GPAM: variants seen among roughly 807,000 people sequenced by gnomAD.
The protein encoded by GPAM is glycerol-3-phosphate acyltransferase, mitochondrial, also known as glycerol-3-phosphate acyltransferase 1, mitochondrial.
Under a neutral mutation model 105.0 loss-of-function variants are expected in GPAM, and 56 were observed. The observed-to-expected ratio is 0.53, with a 90% CI of 0.43 to 0.67. The LOEUF (loss-of-function observed/expected upper bound fraction) is 0.67, where lower values mean the gene tolerates loss of function less well. Ranked by LOEUF, GPAM falls within the 30% of genes least tolerant of loss-of-function variation. GPAM has a pLI of 0.00. For missense variants in GPAM, 855 were observed against 989.8 expected (o/e 0.86, Z 1.83); for synonymous variants, 368 against 354.4 (o/e 1.04, Z -0.43).
chr10:112,200,240 T>G lies in GPAM; in HGVS notation n.210+14928A>C, dbSNP rs547149768. 3.2e-3 allele frequency among the ~76,000 whole-genome samples: 411 copies of G among 129,392 alleles called. 5 individuals are homozygous for G. The highest frequency in any genetic ancestry group is 5.3e-3 in the East Asian group (21 of 3,976). The allele number at this position is 129,392 out of a possible 152,430, so 84.9% of individuals were successfully genotyped here. Reference sequence around the variant, plus strand: ...TCCACACTATATGTATATATATATATATATAGAGAGAGAGAGAGAGAGAGA... The same window carrying G: ...TCCACACTATATGTATATATATATAGATATAGAGAGAGAGAGAGAGAGAGA... On this transcript the variant is annotated intron_variant and non_coding_transcript_variant, in intron 1 of 3. Coordinates refer to the GPAM transcript ENST00000480130.
intron 1 of GPAM, among the ~76,000 whole-genome samples, chr10:112,197,801 T>C (rs1847743461): frequency 6.6e-6 from 1 of 152,032 alleles, no homozygotes; most frequent in African/African-American, 2.4e-5. Context: ...TCCATGTCCC[T>C]ACAAAGGACA....
chr10:112,207,019 T>G (rs1224615854), intron 1 of GPAM, among the ~76,000 whole-genome samples: 4 of 152,170 alleles, frequency 2.6e-5, no homozygotes, highest in Non-Finnish European at 5.9e-5. Context: ...AGAAGCTCAA[T>G]AAAACAGGAT....
chr10:112,207,229 CG>C (rs1847862292), intron 1 of GPAM, among the ~76,000 whole-genome samples: 1 of 152,076 alleles, frequency 6.6e-6, no homozygotes, highest in Admixed American at 6.5e-5. Context: ...CTATGATGTA[CG>C]GGACAGTCCC....
At chr10:112,189,237 C>T (rs933604098) in intron 1 of GPAM, among the ~76,000 whole-genome samples, 2 of 152,120 alleles carry the variant, frequency 1.3e-5, no homozygotes, top group African/African-American at 4.8e-5. Flanking sequence ...CTCATTATGA[C>T]CTACTTTTCT....
intron 19 of GPAM, 195 bp downstream of exon 19, chr10:112,157,054 T>G: frequency 1.6e-6 from 1 of 630,508 alleles, no homozygotes; most frequent in South Asian, 1.9e-5. Context: ...CTTTTCAGAC[T>G]CTCCTTTCCT....
At chr10:112,159,505 G>A (rs1459915528) in intron 17 of GPAM, among the ~76,000 whole-genome samples, 2 of 152,124 alleles carry the variant, frequency 1.3e-5, no homozygotes, top group Middle Eastern at 3.2e-3. Flanking sequence ...TTACAGGCGT[G>A]AGCCACCGCA....
the GPAM span, among the ~76,000 whole-genome samples, chr10:112,222,940 C>T: frequency 2.9e-4 from 44 of 152,262 alleles, no homozygotes; most frequent in African/African-American, 1.0e-3. Flanking sequence ...GGTTGACTGA[C>T]AGCCTCTCGG....
At chr10:112,157,472 C>G in intron 18 of GPAM, 83 bp from the exon 19 acceptor site, 1 of 1,258,332 alleles carries the variant, frequency 7.9e-7, no homozygotes, top group South Asian at 1.2e-5. Flanking sequence ...CAAGGCAGTC[C>G]TCTTCTCTGA....
chr10:112,180,882 T>G (rs558816557), intron 3 of GPAM, among the ~76,000 whole-genome samples: 1 of 152,174 alleles, frequency 6.6e-6, no homozygotes, highest in African/African-American at 2.4e-5. Flanking sequence ...GATAAATCAA[T>G]TCAGACTCCT....
At chr10:112,168,282 CA>C in intron 11 of GPAM, 29 bp downstream of exon 11, 1 of 1,250,920 alleles carries the variant, frequency 8.0e-7, no homozygotes, top group Non-Finnish European at 1.2e-6. Flanking sequence ...ACTTGATAAG[CA>C]AAGAAAACTT....
At chr10:112,162,639 T>C (rs1369190757) in intron 14 of GPAM, among the ~76,000 whole-genome samples, 1 of 152,132 alleles carries the variant, frequency 6.6e-6, no homozygotes, top group African/African-American at 2.4e-5. Flanking sequence ...TAAAAAAAAG[T>C]ACTCAGTACT....
upstream of GPAM, among the ~76,000 whole-genome samples, chr10:112,185,897 T>G (rs968675633): frequency 6.6e-6 from 1 of 152,114 alleles, no homozygotes; most frequent in African/African-American, 2.4e-5. Flanking sequence ...CTAGTATACA[T>G]GCAATTGTAG....
rs1461275409 is a variant in GPAM at position 112,172,220 on chromosome 10, G to A, written c.756C>T (p.Tyr252=). The stretch of plus-strand genomic sequence containing the variant: ...TGTTGAGATTATTGCCTGAAGCAAT[G>A]TATGGTGCTTTGATGTTATGGCAGA... ...ILFCHNIKAP[Y]IASGNNLNIP... Residue 252 remains tyrosine, a synonymous_variant, in exon 9 of 22, where the codon TAC becomes TAT. Transcript: ENST00000348367. 8 of 1,607,476 alleles carry A rather than the reference G, an allele frequency of 5.0e-6. No individual in the cohort carries two copies. The highest frequency in any genetic ancestry group is 3.3e-5 in the Admixed American group (2 of 59,992).
chr10:112,169,091 A>AT, intron 9 of GPAM, 139 bp from the exon 10 acceptor site: 3 of 641,534 alleles, frequency 4.7e-6, no homozygotes, highest in Non-Finnish European at 5.6e-6. Flanking sequence ...AAATGCAGGC[A>AT]TTTTTTTCAT....
chr10:112,177,131 C>T (rs1379570502), intron 5 of GPAM, among the ~76,000 whole-genome samples: 1 of 151,926 alleles, frequency 6.6e-6, no homozygotes, highest in African/African-American at 2.4e-5. Flanking sequence ...AGACCAGCAG[C>T]CTGGGAATGA....
intron 1 of GPAM, among the ~76,000 whole-genome samples, chr10:112,196,555 C>G (rs1847726686): frequency 6.6e-6 from 1 of 152,110 alleles, no homozygotes; most frequent in African/African-American, 2.4e-5. Context: ...TGTTATGAAC[C>G]TAGTTTCCAA....
At position 112,168,415 on chromosome 10, in the gene GPAM, A is replaced by G; in HGVS notation, c.1004T>C (p.Val335Ala). ...GACATTGGTAGACAGAGTATCTACC[A>G]CAACTGACAAAAGTCCTGCCCGAGC... ...SCARAGLLSV[V>A]VDTLSTNVIP... The change falls in exon 11 of 22, where the codon GTG becomes GCG. Residue 335 changes from valine (V) to alanine (A), a missense_variant. Coordinates refer to ENST00000348367, the MANE Select transcript of GPAM (RefSeq NM_001244949.2). 6.2e-7 allele frequency: 1 copy of G among 1,609,456 alleles called. No individual in the cohort carries two copies. The highest frequency in any genetic ancestry group is 8.5e-7 in the Non-Finnish European group (1 of 1,175,702).
rs144655906 is a variant in GPAM at position 112,178,231 on chromosome 10, T to C, written c.226-174A>G. ...AGTACTTTTTAGCCTTCAAAGAATG[T>C]CATAAACTCAAAATTCATCTTTAAA... On this transcript the variant is annotated intron_variant, in intron 4 of 21. Transcript: ENST00000348367. Among the ~76,000 whole-genome samples, 870 of 152,232 alleles carry C rather than the reference T, an allele frequency of 5.7e-3. 7 individuals are homozygous for C. The highest frequency in any genetic ancestry group is 0.02 in the African/African-American group (836 of 41,528).
At chr10:112,220,157 A>G (rs1454656425), upstream of GPAM, among the ~76,000 whole-genome samples, 1 of 152,090 alleles carries the variant, frequency 6.6e-6, no homozygotes, top group Non-Finnish European at 1.5e-5. Context: ...AAGTAGACTG[A>G]GCAGGCAGGA....
Sources: gnomAD v4.1 joint callset for allele counts (sites outside exome capture counted in the v4.1 genomes callset) on GRCh38, gnomAD v4.1.1 for gene constraint, MANE v1.5 for transcripts, NCBI Gene and HGNC (gene_info 2026-07-23, HGNC 2026-07-21) for gene names.